ZNF318: variants seen among roughly 807,000 people sequenced by gnomAD.
The protein encoded by ZNF318 is zinc finger protein 318, also known as endocrine regulator.
Under a neutral mutation model 124.2 loss-of-function variants are expected in ZNF318, and 51 were observed. That is an observed-to-expected ratio of 0.41 (90% CI 0.33 to 0.52). The LOEUF (loss-of-function observed/expected upper bound fraction) is 0.52, where lower values mean the gene tolerates loss of function less well. ZNF318 is among the 20% of genes least tolerant of loss of function. The probability of loss-of-function intolerance (pLI) is 0.23; values close to 1 mark genes in which losing one functional copy is unlikely to be tolerated. For synonymous variants in ZNF318, 1,090 were observed against 1,040.7 expected, an observed-to-expected ratio of 1.05 and a Z score of -0.91; for missense variants, 2,815 against 2,811.2, an observed-to-expected ratio of 1.00 and a Z score of -0.03.
Position 43,354,864 on chromosome 6 carries a change from T to C in ZNF318, c.2470A>G (p.Ile824Val), listed in dbSNP as rs201794168. 285 of 1,614,098 alleles carry C rather than the reference T, an allele frequency of 1.8e-4. No individual in the cohort carries two copies. Among genetic ancestry groups the C allele is most frequent in the Admixed American group, 2.7e-4 (16 of 59,998 alleles). The change falls in exon 4 of 10, where the codon ATA (isoleucine) becomes GTA (valine). Residue 824 changes from isoleucine to valine, a missense_variant. Transcript: ENST00000361428. ...PVPEPHRIMP[I>V]TKQATRSRPN... ...CGGCTACGAGTAGCTTGTTTGGTTA[T>C]TGGCATTATCCTGTGTGGTTCAGGT...
rs777294040 is a variant in ZNF318 at position 43,337,626 on chromosome 6, G to A, written c.6372C>T (p.His2124=). 6.2e-7 allele frequency: 1 copy of A among 1,614,144 alleles called. No individual in the cohort carries two copies. The highest frequency in any genetic ancestry group is 2.2e-5 in the East Asian group (1 of 44,876). ...DRGLGGLEGT[H]QALDLLAGGM... ...CTCCTGCTAACAGGTCAAGGGCCTG[G>A]TGTGTTCCCTCTAGGCCCCCCAAGC... The change falls in exon 10 of 10, where the codon CAC becomes CAT. Residue 2124 remains histidine, a synonymous_variant. Coordinates refer to ENST00000361428, the MANE Select transcript of ZNF318 (RefSeq NM_014345.3).
chr6:43,344,799 G>C (rs1443140318), intron 6 of ZNF318, among the ~76,000 whole-genome samples: 1 of 151,934 alleles, frequency 6.6e-6, no homozygotes, highest in Non-Finnish European at 1.5e-5. Context: ...TTGATGGACA[G>C]AATTAATACT....
rs768424067 is a variant in ZNF318, at chr6:43,337,685, A to C, written c.6313T>G (p.Leu2105Val). The part of the protein sequence containing the change: ...RSVRIPSPNI[L>V]KTGLTENVDR... ...ACATTTTCTGTAAGTCCAGTTTTCAAAATGTTAGGAGAAGGGATCCTAACA... is the reference window on the plus strand; with the variant it reads ...ACATTTTCTGTAAGTCCAGTTTTCACAATGTTAGGAGAAGGGATCCTAACA... The change falls in exon 10 of 10, where the codon TTG becomes GTG. Residue 2105 changes from leucine to valine, a missense_variant. By Grantham distance (32) the Leu-to-Val change is conservative. Around this residue, in one of 4 missense-constraint regions of ZNF318, gnomAD observed 927 missense variants for 820.6 expected, o/e 1.13. Transcript: ENST00000361428. The C allele has an allele frequency of 5.6e-6, 9 of 1,614,032 alleles. No homozygotes were observed. The highest frequency in any genetic ancestry group is 7.6e-6 in the Non-Finnish European group (9 of 1,180,032).
Position 43,336,967 on chromosome 6 carries a change from CTGG to C in ZNF318, c.*188_*190del, listed in dbSNP as rs1022346880. 5 of 406,696 alleles carry C rather than the reference CTGG, an allele frequency of 1.2e-5. No individual in the cohort carries two copies. Among genetic ancestry groups the C allele is most frequent in the African/African-American group, 1.0e-4 (5 of 48,384 alleles). 25.2% of individuals were successfully genotyped at this position (406,696 alleles called of 1,614,324 possible). A position where few individuals can be genotyped will look rare whatever the true frequency, so the allele number is the denominator to read the frequency against. ...TATATATAAGTTGTTATCGATTTGT[CTGG>C]TGTTTTAAGGGGAAAGGGAAAAGGA... On this transcript the variant is annotated 3_prime_UTR_variant, in exon 10 of 10. Coordinates refer to ENST00000361428, the MANE Select transcript of ZNF318 (RefSeq NM_014345.3).
At chr6:43,368,928 T>TAGTC in intron 1 of ZNF318, 39 bp downstream of exon 1, 1 of 1,316,552 alleles carries the variant, frequency 7.6e-7, no homozygotes, top group South Asian at 1.8e-5. Context: ...GGGAGGGGAC[T>TAGTC]GGGGGATGGA....
chr6:43,368,607 T>A, intron 1 of ZNF318: 6 of 951,088 alleles, frequency 6.3e-6, no homozygotes, highest in Non-Finnish European at 5.0e-6. Context: ...TGTAAGGGGA[T>A]GAAAAGTACG....
intron 5 of ZNF318, among the ~76,000 whole-genome samples, chr6:43,349,647 C>T (rs1427449126): frequency 2.6e-5 from 4 of 152,180 alleles, no homozygotes; most frequent in Non-Finnish European, 5.9e-5. Context: ...ATTATATCTT[C>T]TCCCACTCTC....
At position 43,338,327 on chromosome 6, in the gene ZNF318, C is replaced by T; in HGVS notation, c.5671G>A (p.Glu1891Lys). Residue 1891 changes from glutamate (E) to lysine (K), a missense_variant, in exon 10 of 10, where the codon GAG becomes AAG. Glu to Lys is a moderately conservative substitution (Grantham distance 56). This residue lies in a region of ZNF318 where 927 missense variants were observed against 820.6 expected (regional missense o/e 1.13). Coordinates refer to ENST00000361428, the MANE Select transcript of ZNF318 (RefSeq NM_014345.3). The part of the protein sequence containing the change: ...QDTPVKISAP[E>K]LLLHSPARSA... ...CTGGCTGGGGAATGAAGCAGCAACT[C>T]TGGGGCAGAAATTTTCACAGGTGTA... The T allele has an allele frequency of 6.2e-7, 1 of 1,614,166 alleles. No homozygotes were observed. Among genetic ancestry groups the T allele is most frequent in the Non-Finnish European group, 8.5e-7 (1 of 1,180,022 alleles).
chr6:43,342,567 C>G, intron 7 of ZNF318, 109 bp downstream of exon 7: 1 of 1,199,904 alleles, frequency 8.3e-7, no homozygotes, highest in Non-Finnish European at 1.2e-6. Flanking sequence ...ACTGGGGCTC[C>G]TGCCCATATG....
At chr6:43,362,526 T>TC (rs1052951017) in intron 2 of ZNF318, among the ~76,000 whole-genome samples, 1 of 137,172 alleles carries the variant, frequency 7.3e-6, no homozygotes, top group African/African-American at 2.7e-5. Flanking sequence ...GTCTTTTTTT[T>TC]TTTTTTTTTT....
At chr6:43,349,907 C>T (rs1050119923) in intron 5 of ZNF318, among the ~76,000 whole-genome samples, 1 of 151,884 alleles carries the variant, frequency 6.6e-6, no homozygotes, top group Non-Finnish European at 1.5e-5. Flanking sequence ...TATGACAGCA[C>T]CACTGCCCTC....
At chr6:43,363,954 T>A in intron 2 of ZNF318, 1 of 677,988 alleles carries the variant, frequency 1.5e-6, no homozygotes, top group Non-Finnish European at 2.7e-6. Flanking sequence ...CCCACACCGT[T>A]CCTTGCAAGG....
At chr6:43,343,054 A>G (rs1446523225) in intron 6 of ZNF318, among the ~76,000 whole-genome samples, 175 bp from the exon 7 acceptor site, 1 of 152,236 alleles carries the variant, frequency 6.6e-6, no homozygotes, top group African/African-American at 2.4e-5. Flanking sequence ...AAGACATAGA[A>G]CTATTTGACT....
rs1228538788 is a variant in ZNF318 at position 43,369,511 on chromosome 6, C to T, written c.-146G>A. The T allele has an allele frequency of 2.5e-5, 13 of 524,658 alleles. No homozygotes were observed. Among genetic ancestry groups the T allele is most frequent in the South Asian group, 2.5e-4 (3 of 12,146 alleles). The allele number at this position is 524,658 out of a possible 1,614,324, so 32.5% of individuals were successfully genotyped here. On this transcript the variant is annotated 5_prime_UTR_variant, in exon 1 of 10. Coordinates refer to ENST00000361428, the MANE Select transcript of ZNF318 (RefSeq NM_014345.3). ...GCGGGAGCAGCCCCCTCCCCTCGGCCCCGCGTCGCCCCGGGGGCCCGGCCG... is the reference window on the plus strand; with the variant it reads ...GCGGGAGCAGCCCCCTCCCCTCGGCTCCGCGTCGCCCCGGGGGCCCGGCCG...
chr6:43,362,941 C>T (rs533185348), intron 2 of ZNF318, among the ~76,000 whole-genome samples: 78 of 152,208 alleles, frequency 5.1e-4, no homozygotes, highest in African/African-American at 1.7e-3. Flanking sequence ...ACAAACCATA[C>T]TGAACAAAAG....
At chr6:43,350,684 G>A (rs762799104) in intron 5 of ZNF318, among the ~76,000 whole-genome samples, 11 of 151,956 alleles carry the variant, frequency 7.2e-5, no homozygotes, top group Non-Finnish European at 1.0e-4. Flanking sequence ...TTAGCCAGGC[G>A]TGGTGGCTCA....
chr6:43,339,589 T>A lies in ZNF318; in HGVS notation c.4409A>T (p.Asn1470Ile), dbSNP rs770554651. 1 of 1,613,094 alleles carries A rather than the reference T, an allele frequency of 6.2e-7. No individual in the cohort carries two copies. The highest frequency in any genetic ancestry group is 1.1e-5 in the South Asian group (1 of 91,004). ...TGATTTTACTGGAGCCAAGATAGCA[T>A]TTGCTTGAGCAGCAGACGGGGCAGC... ...HPAAPSAAQA[N>I]AILAPVKSNP... Residue 1470 changes from asparagine to isoleucine, a missense_variant, in exon 10 of 10, where the codon AAT becomes ATT. Around this residue, in one of 4 missense-constraint regions of ZNF318, gnomAD observed 500 missense variants for 605.2 expected, o/e 0.83. Transcript: ENST00000361428. The surrounding 1 kb of genome is among the most constrained non-coding windows in gnomAD (Gnocchi z 4.2).
intron 2 of ZNF318, among the ~76,000 whole-genome samples, chr6:43,361,850 C>T (rs993473182): frequency 6.6e-5 from 10 of 152,004 alleles, no homozygotes; most frequent in African/African-American, 2.4e-4. Flanking sequence ...ACTAGAGTCT[C>T]AGAAAAAAAA....
rs1355154724 is a variant in ZNF318 at position 43,369,378 on chromosome 6, GGC to G, written c.-15_-14del. 5 of 1,242,124 alleles carry G rather than the reference GGC, an allele frequency of 4.0e-6. No individual in the cohort carries two copies. The East Asian group carries it at 1.8e-4, about 45-fold the overall frequency. The allele number at this position is 1,242,124 out of a possible 1,614,324, so 76.9% of individuals were successfully genotyped here. Reference sequence around the variant, plus strand: ...TGCTGCGGTACATGGTTCTTGCAGCGGCGGCCACGGCGACAGCTCTGACCCGG... The same window carrying G: ...TGCTGCGGTACATGGTTCTTGCAGCGGGCCACGGCGACAGCTCTGACCCGG... On this transcript the variant is annotated 5_prime_UTR_variant, in exon 1 of 10. Transcript: ENST00000361428.
Sources: allele counts gnomAD v4.1 joint callset (sites outside exome capture counted in the v4.1 genomes callset), GRCh38; gene constraint gnomAD v4.1.1; regional missense constraint gnomAD v4.1.1; non-coding constraint Gnocchi (gnomAD v3.1); transcripts MANE v1.5; gene names NCBI Gene and HGNC (gene_info 2026-07-23, HGNC 2026-07-21).